The following GPATCH2L variants were observed in gnomAD, a reference collection of about 807,000 sequenced individuals.
The protein encoded by GPATCH2L is G patch domain-containing protein 2-like.
GPATCH2L carries 31 observed loss-of-function variants against 57.4 expected under a neutral mutation model. That is an observed-to-expected ratio of 0.54 (90% confidence interval 0.41 to 0.73). The LOEUF is 0.73. GPATCH2L is among the 30% of genes least tolerant of loss of function. The probability of loss-of-function intolerance (pLI) is 0.00; values close to 1 mark genes in which losing one functional copy is unlikely to be tolerated. For missense variants in GPATCH2L, 481 were observed against 599.9 expected (o/e 0.80, Z 2.07); for synonymous variants, 199 against 210.7 (o/e 0.94, Z 0.48).
rs752048317 is a variant in GPATCH2L, at chr14:76,173,564, A to G, written c.923A>G (p.Asn308Ser). ...PAQRGYHTRL[N>S]RLPGAAARCL... ...TTTTTAGGGTACCATACTCGCTTGA[A>G]TCGTCTACCTGGAGCTGCAGCTCGA... is the stretch of plus-strand genomic sequence containing the variant. The change falls in exon 5 of 10, where the codon AAT (asparagine) becomes AGT (serine). Residue 308 changes from asparagine to serine, a missense_variant. Asn to Ser is a conservative substitution (Grantham distance 46). Around this residue, in one of 3 missense-constraint regions of GPATCH2L, gnomAD observed 248 missense variants for 270.5 expected, o/e 0.92. Coordinates refer to ENST00000261530, the MANE Select transcript of GPATCH2L (RefSeq NM_017926.4). 1.9e-6 allele frequency: 3 copies of G among 1,612,630 alleles called. No individual in the cohort carries two copies. The highest frequency in any genetic ancestry group is 1.7e-5 in the Admixed American group (1 of 59,810).
At position 76,188,595 on chromosome 14, in the gene GPATCH2L, C is replaced by G. The variant is rs938370164; in HGVS notation, c.1194-7283C>G. 7.0e-4 allele frequency among the ~76,000 whole-genome samples: 106 copies of G among 151,188 alleles called. 3 individuals are homozygous for G. Among genetic ancestry groups the G allele is most frequent in the Non-Finnish European group, 1.5e-5 (1 of 67,548 alleles). ...GGGTTGTTTGAGCTCCTTATATATT[C>G]TAATTATTAACCCTTTGTCAAATGG... On this transcript the variant is annotated intron_variant, in intron 8 of 9. Transcript: ENST00000261530.
At position 76,202,987 on chromosome 14, in the gene GPATCH2L, T is replaced by G. The variant is rs1241567629; in HGVS notation, c.*1136T>G. Reference sequence around the variant, plus strand: ...CTAGCTGACAGAAGGGCTCTTTTTTTTATACCAATGAGTGCGTTTACTCTG... The same window carrying G: ...CTAGCTGACAGAAGGGCTCTTTTTTGTATACCAATGAGTGCGTTTACTCTG... On this transcript the variant is annotated 3_prime_UTR_variant, in exon 10 of 10. Coordinates refer to ENST00000261530, the MANE Select transcript of GPATCH2L (RefSeq NM_017926.4). 6.6e-6 allele frequency: 1 copy of G among 152,198 alleles called. No individual in the cohort carries two copies. Among genetic ancestry groups the G allele is most frequent in the Non-Finnish European group, 1.5e-5 (1 of 68,040 alleles). The allele number at this position is 152,198 out of a possible 1,614,324, so 9.4% of individuals were successfully genotyped here. A position where few individuals can be genotyped will look rare whatever the true frequency, so the allele number is the denominator to read the frequency against.
chr14:76,233,476 A>G (rs945358236), intron 2 of GPATCH2L, among the ~76,000 whole-genome samples: 2 of 152,214 alleles, frequency 1.3e-5, no homozygotes, highest in African/African-American at 4.8e-5. Context: ...TTGAACACCC[A>G]TAAAAGTTGA....
chr14:76,201,908 C>A lies in GPATCH2L; in HGVS notation c.*57C>A. ...GGGTGTTGCTGAAGCAAATGTTGGA[C>A]TTTGTGTTAGATAGTCTTGCATATC... On this transcript the variant is annotated 3_prime_UTR_variant, in exon 10 of 10. Transcript: ENST00000261530. The A allele has an allele frequency of 6.7e-7, 1 of 1,491,114 alleles. No homozygotes were observed. Among genetic ancestry groups the A allele is most frequent in the Non-Finnish European group, 9.2e-7 (1 of 1,083,124 alleles). The allele number at this position is 1,491,114 out of a possible 1,614,324, so 92.4% of individuals were successfully genotyped here. A position where few individuals can be genotyped will look rare whatever the true frequency, so the allele number is the denominator to read the frequency against.
At chr14:76,160,619 G>A (rs768290174) in intron 2 of GPATCH2L, among the ~76,000 whole-genome samples, 99 of 152,074 alleles carry the variant, frequency 6.5e-4, no homozygotes, top group Non-Finnish European at 1.3e-3. Flanking sequence ...CTACTGAGAC[G>A]GAGATTTTAA....
intron 2 of GPATCH2L, among the ~76,000 whole-genome samples, chr14:76,230,816 T>G (rs1301336457): frequency 6.6e-6 from 1 of 152,198 alleles, no homozygotes; most frequent in East Asian, 1.9e-4. Flanking sequence ...CTTTTTATCA[T>G]CTCTGCACTT....
intron 2 of GPATCH2L, among the ~76,000 whole-genome samples, chr14:76,235,164 G>A (rs2040592578): frequency 7.9e-6 from 1 of 127,010 alleles, no homozygotes; most frequent in African/African-American, 3.1e-5. Context: ...GCGAAACTCT[G>A]TCTCAAAAAA....
chr14:76,215,901 T>G (rs377507574), downstream of GPATCH2L, among the ~76,000 whole-genome samples: 2,887 of 150,928 alleles, frequency 0.019, 60 homozygotes, highest in South Asian at 0.063. Context: ...ACCCTAAAAC[T>G]TAAAGTATAA....
intron 1 of GPATCH2L, among the ~76,000 whole-genome samples, chr14:76,222,706 C>T (rs2040520459): frequency 6.6e-6 from 1 of 151,786 alleles, no homozygotes; most frequent in African/African-American, 2.4e-5. Flanking sequence ...CCTGTAATCC[C>T]AGCACTTTGG....
At chr14:76,223,934 A>G (rs572882145) in intron 1 of GPATCH2L, among the ~76,000 whole-genome samples, 9 of 152,356 alleles carry the variant, frequency 5.9e-5, no homozygotes, top group Non-Finnish European at 1.3e-4. Context: ...AAAAGCTTGT[A>G]CACAAATGTT....
intron 1 of GPATCH2L, among the ~76,000 whole-genome samples, chr14:76,227,215 G>T (rs1229955022): frequency 6.6e-6 from 1 of 152,204 alleles, no homozygotes; most frequent in Non-Finnish European, 1.5e-5. Flanking sequence ...AACTTCCACA[G>T]CATCAGATAC....
chr14:76,231,963 T>TCTCACTGCGGC (rs2040564357), intron 2 of GPATCH2L, among the ~76,000 whole-genome samples: 1 of 57,636 alleles, frequency 1.7e-5, no homozygotes, highest in Non-Finnish European at 4.4e-5. Flanking sequence ...GGCAAACACA[T>TCTCACTGCGGC]CTCACTGCAG....
rs150864722 is a variant in GPATCH2L at position 76,154,498 on chromosome 14, G to A, written c.135G>A (p.Arg45=). The change falls in exon 2 of 10, where the codon CGG becomes CGA. Residue 45 remains arginine (R), a synonymous_variant. Coordinates refer to ENST00000261530, the MANE Select transcript of GPATCH2L (RefSeq NM_017926.4). The surrounding 1 kb of genome is among the most constrained non-coding windows in gnomAD (Gnocchi z 4.4). Reference sequence around the variant, plus strand: ...GGCAGCTTCGGAAACGCCGAGGTCGGAAGCGTCGTTCTGACTTCACTCACC... The same window carrying A: ...GGCAGCTTCGGAAACGCCGAGGTCGAAAGCGTCGTTCTGACTTCACTCACC... ...QRRQLRKRRG[R]KRRSDFTHLA... The A allele has an allele frequency of 6.2e-7, 1 of 1,614,180 alleles. No homozygotes were observed. The highest frequency in any genetic ancestry group is 8.5e-7 in the Non-Finnish European group (1 of 1,180,042).
Position 76,206,549 on chromosome 14 carries a change from A to G in GPATCH2L, c.*4698A>G, listed in dbSNP as rs568233559. The G allele has an allele frequency of 2.0e-5, 3 of 152,402 alleles. No homozygotes were observed. Among genetic ancestry groups the G allele is most frequent in the Admixed American group, 6.5e-5 (1 of 15,306 alleles). 9.4% of individuals were successfully genotyped at this position (152,402 alleles called of 1,614,324 possible). ...ACAGTGTTGAAGAATGGGGCATGTCATGAAGACATTCAGCAAAGAAGCAAT... is the reference window on the plus strand; with the variant it reads ...ACAGTGTTGAAGAATGGGGCATGTCGTGAAGACATTCAGCAAAGAAGCAAT... On this transcript the variant is annotated 3_prime_UTR_variant, in exon 10 of 10. Coordinates refer to ENST00000261530, the MANE Select transcript of GPATCH2L (RefSeq NM_017926.4).
chr14:76,220,793 G>A (rs2040510804), intron 1 of GPATCH2L, among the ~76,000 whole-genome samples: 1 of 152,026 alleles, frequency 6.6e-6, no homozygotes, highest in South Asian at 2.1e-4. Flanking sequence ...AACCCCAGCA[G>A]AGCCTGAAAT....
downstream of GPATCH2L, among the ~76,000 whole-genome samples, chr14:76,215,650 G>A (rs1244294791): frequency 3.2e-4 from 49 of 151,120 alleles, no homozygotes; most frequent in Non-Finnish European, 5.3e-4. Context: ...ATCATTCTCA[G>A]TAAACTATCG....
intron 2 of GPATCH2L, among the ~76,000 whole-genome samples, chr14:76,231,779 T>G (rs8021258): frequency 1 from 151,640 of 152,316 alleles, 75,487 homozygotes; most frequent in Middle Eastern, 1. Flanking sequence ...TCATTGGCAT[T>G]TTGTTATAAT....
At chr14:76,187,025 G>GTT (rs34797876) in intron 8 of GPATCH2L, among the ~76,000 whole-genome samples, 28 of 147,990 alleles carry the variant, frequency 1.9e-4, no homozygotes, top group South Asian at 2.1e-4. Context: ...ATTGTGAAGT[G>GTT]TTTTTTTTTT....
chr14:76,173,271 T>C (rs11627896), intron 4 of GPATCH2L, among the ~76,000 whole-genome samples: 31,172 of 151,910 alleles, frequency 0.21, 3,536 homozygotes, highest in African/African-American at 0.3. Context: ...TGCTATTTCA[T>C]TGGGTCTTCA....
Sources: gnomAD v4.1 joint callset for allele counts (sites outside exome capture counted in the v4.1 genomes callset) on GRCh38, gnomAD v4.1.1 for gene constraint, gnomAD v4.1.1 regional missense constraint, Gnocchi (gnomAD v3.1) non-coding constraint, MANE v1.5 for transcripts, NCBI Gene and HGNC (gene_info 2026-07-23, HGNC 2026-07-21) for gene names.